Variants in PCDHGA6 observed in about 807,000 individuals in gnomAD.
The protein encoded by PCDHGA6 is protocadherin gamma subfamily A, 6.
In PCDHGA6, 41 loss-of-function variants were observed where a neutral mutation model predicts 60.6. That is an observed-to-expected ratio of 0.68 (90% CI 0.53 to 0.88). The LOEUF is 0.88. Among genes scored for constraint, PCDHGA6 ranks in the 40% least tolerant of loss-of-function variants. PCDHGA6 has a pLI of 0.00. For missense variants in PCDHGA6, 1,312 were observed against 1,203.0 expected (o/e 1.09, Z -1.34); for synonymous variants, 594 against 524.4 (o/e 1.13, Z -1.81).
intron 1 of PCDHGA6, among the ~76,000 whole-genome samples, chr5:141,380,353 G>T (rs954913370): frequency 6.6e-6 from 1 of 151,944 alleles, no homozygotes; most frequent in Non-Finnish European, 1.5e-5. Flanking sequence ...TTTGTTGTTT[G>T]TTTTTTAGAA....
chr5:141,476,046 C>T lies in PCDHGA6; in HGVS notation c.2425-18761C>T. 6.7e-7 allele frequency: 1 copy of T among 1,491,396 alleles called. No individual in the cohort carries two copies. Among genetic ancestry groups the T allele is most frequent in the Non-Finnish European group, 8.9e-7 (1 of 1,122,928 alleles). 92.4% of individuals were successfully genotyped at this position (1,491,396 alleles called of 1,614,324 possible). On this transcript the variant is annotated intron_variant, in intron 1 of 3. Coordinates refer to ENST00000517434, the MANE Select transcript of PCDHGA6 (RefSeq NM_018919.3). This position sits in a 1 kb window ranked among gnomAD's most constrained non-coding sequence, Gnocchi z 7.6. ...CGGCGCCCAGCGCCCAAGCGCTAAC[C>T]CGCTGAAAGTTTCTCAGCGAAATCT...
At chr5:141,458,438 CCCA>C (rs1221646653) in intron 1 of PCDHGA6, among the ~76,000 whole-genome samples, 3 of 152,024 alleles carry the variant, frequency 2.0e-5, no homozygotes, top group African/African-American at 7.2e-5. Context: ...GAGGAGGTCC[CCCA>C]CATTAACAAT....
At position 141,393,000 on chromosome 5, in the gene PCDHGA6, G is replaced by A. The variant is rs772046833; in HGVS notation, c.2424+16493G>A. The stretch of plus-strand genomic sequence containing the variant: ...GGACCCCCGGAAGCTGGCGAAGCAC[G>A]GAGTCCGTATCGTCTCCAGAGGTAG... On this transcript the variant is annotated intron_variant, in intron 1 of 3. Transcript: ENST00000517434. The A allele has an allele frequency of 2.5e-6, 4 of 1,613,856 alleles. No individual in the cohort carries two copies. In the South Asian group the frequency reaches 4.4e-5, roughly 18 times the overall value.
At chr5:141,458,219 C>T (rs2098940224) in intron 1 of PCDHGA6, among the ~76,000 whole-genome samples, 1 of 152,248 alleles carries the variant, frequency 6.6e-6, no homozygotes, top group African/African-American at 2.4e-5. Flanking sequence ...AATAAGTTTC[C>T]TTTCCCAGTC....
chr5:141,421,265 T>G (rs2154549151), intron 1 of PCDHGA6: 1 of 1,596,914 alleles, frequency 6.3e-7, no homozygotes, highest in Non-Finnish European at 8.5e-7. Flanking sequence ...CGCAGTCGGC[T>G]GCTGCTGCTG....
intron 1 of PCDHGA6, among the ~76,000 whole-genome samples, chr5:141,492,574 G>T (rs2099742096): frequency 6.6e-6 from 1 of 152,232 alleles, no homozygotes; most frequent in Non-Finnish European, 1.5e-5. Flanking sequence ...TGAGCGAGGC[G>T]CGGGGCCAGG....
chr5:141,394,789 C>G (rs747304715), intron 1 of PCDHGA6: 1 of 1,613,728 alleles, frequency 6.2e-7, no homozygotes, highest in Non-Finnish European at 8.5e-7. Context: ...GCCACTGTCA[C>G]GCTCACCGTA....
At chr5:141,389,055 A>G in intron 1 of PCDHGA6, 1 of 1,613,996 alleles carries the variant, frequency 6.2e-7, no homozygotes, top group South Asian at 1.1e-5. Context: ...TGTTCCATTT[A>G]AAATATTAAC....
intron 1 of PCDHGA6, among the ~76,000 whole-genome samples, chr5:141,425,668 T>C (rs2096887740): frequency 1.3e-5 from 2 of 152,260 alleles, no homozygotes; most frequent in South Asian, 4.1e-4. Context: ...GCACATCAGA[T>C]TGAAAATAAT....
At chr5:141,445,254 AAT>A (rs1214840265) in intron 1 of PCDHGA6, among the ~76,000 whole-genome samples, 49 of 152,350 alleles carry the variant, frequency 3.2e-4, no homozygotes, top group Non-Finnish European at 5.9e-5. Context: ...ATTGTGTGAG[AAT>A]ATAAGTCGAA....
chr5:141,404,177 A>C, intron 1 of PCDHGA6: 1 of 1,613,448 alleles, frequency 6.2e-7, no homozygotes, highest in Non-Finnish European at 8.5e-7. Context: ...GACGGCCCAA[A>C]TTCTTGACCG....
At chr5:141,386,155 C>T (rs763846568) in intron 1 of PCDHGA6, among the ~76,000 whole-genome samples, 3 of 152,278 alleles carry the variant, frequency 2.0e-5, no homozygotes, top group South Asian at 2.1e-4. Flanking sequence ...AACTGTCTCA[C>T]GTACTCAAAC....
At chr5:141,482,572 T>C (rs1367788391) in intron 1 of PCDHGA6, among the ~76,000 whole-genome samples, 1 of 137,636 alleles carries the variant, frequency 7.3e-6, no homozygotes, top group Admixed American at 7.3e-5. Context: ...CTGCATAGCA[T>C]AAGATGCAGT....
At position 141,510,973 on chromosome 5, in the gene PCDHGA6, G is replaced by A. The variant is rs1448442252; in HGVS notation, c.2599G>A (p.Gly867Arg). 2 of 1,614,042 alleles carry A rather than the reference G, an allele frequency of 1.2e-6. No individual in the cohort carries two copies. Among genetic ancestry groups the A allele is most frequent in the East Asian group, 2.2e-5 (1 of 44,894 alleles). ...AGCTGCTGATGGGAGCTCCACCCTG[G>A]GAGGGGGTGCCGGCACCATGGGATT... ...SEAADGSSTL[G>R]GGAGTMGLSA... Residue 867 changes from glycine (G) to arginine (R), a missense_variant, in exon 4 of 4, where the codon GGA (glycine) becomes AGA (arginine). Gly to Arg is a moderately radical substitution (Grantham distance 125). Transcript: ENST00000517434.
chr5:141,500,216 ATT>A (rs1562194139), intron 2 of PCDHGA6, among the ~76,000 whole-genome samples: 8 of 149,244 alleles, frequency 5.4e-5, no homozygotes, highest in African/African-American at 2.0e-4. Flanking sequence ...TTATTTATTT[ATT>A]TATTTATTGA....
intron 1 of PCDHGA6, chr5:141,421,835 G>A (rs755889809): frequency 5.6e-6 from 9 of 1,613,746 alleles, no homozygotes; most frequent in Non-Finnish European, 6.8e-6. Context: ...AGCCTGGACC[G>A]AGAGAAAGAG....
chr5:141,376,267 G>T lies in PCDHGA6; in HGVS notation c.2184G>T (p.Ser728=), dbSNP rs1021502624. The stretch of plus-strand genomic sequence containing the variant: ...ACAAGTCACGCCTGCTGCAGGCTTC[G>T]GGAGGTGGCTTAGCGAGCATGCCCG... ...RWHKSRLLQA[S]GGGLASMPGS... The change falls in exon 1 of 4, where the codon TCG becomes TCT. Residue 728 remains serine, a synonymous_variant. Transcript: ENST00000517434. 1.2e-6 allele frequency: 2 copies of T among 1,614,210 alleles called. No homozygotes were observed.
At chr5:141,409,567 G>T (rs974585499) in intron 1 of PCDHGA6, 2 of 1,613,896 alleles carry the variant, frequency 1.2e-6, no homozygotes, top group Non-Finnish European at 1.7e-6. Context: ...TCGACCAGAC[G>T]TCCTACGTGG....
chr5:141,487,656 C>G lies in PCDHGA6; in HGVS notation c.2425-7151C>G. ...GCTCAACAAATGCTTGAGGGTTATT[C>G]TGATCCAGGCATATGGCTAGGCCAT... On this transcript the variant is annotated intron_variant, in intron 1 of 3. Coordinates refer to ENST00000517434, the MANE Select transcript of PCDHGA6 (RefSeq NM_018919.3). The surrounding 1 kb of genome is among the most constrained non-coding windows in gnomAD (Gnocchi z 5.0). 6.2e-7 allele frequency: 1 copy of G among 1,613,658 alleles called. No individual in the cohort carries two copies. Among genetic ancestry groups the G allele is most frequent in the Non-Finnish European group, 8.5e-7 (1 of 1,179,794 alleles).
Sources: allele counts gnomAD v4.1 joint callset (sites outside exome capture counted in the v4.1 genomes callset), GRCh38; gene constraint gnomAD v4.1.1; non-coding constraint Gnocchi (gnomAD v3.1); transcripts MANE v1.5; gene names NCBI Gene and HGNC (gene_info 2026-07-23, HGNC 2026-07-21).